Variants in PRKX observed in about 807,000 individuals in gnomAD.
PRKX encodes the protein protein kinase cAMP-dependent X-linked catalytic subunit.
A neutral mutation model predicts 22.0 loss-of-function variants in PRKX; 12 were observed. The observed-to-expected ratio is 0.54, with a 90% CI of 0.35 to 0.88. The LOEUF (loss-of-function observed/expected upper bound fraction) is 0.88, where lower values mean the gene tolerates loss of function less well. Ranked by LOEUF, PRKX falls within the 40% of genes least tolerant of loss-of-function variation. The pLI is 0.01. For synonymous variants in PRKX, 134 were observed against 137.7 expected, an observed-to-expected ratio of 0.97 and a Z score of 0.19; for missense variants, 217 against 308.0, an observed-to-expected ratio of 0.70 and a Z score of 2.21.
intron 1 of PRKX, among the ~76,000 whole-genome samples, chrX:3,692,717 C>T (rs1928358624): frequency 1.8e-5 from 2 of 110,636 alleles, no homozygotes; most frequent in South Asian, 7.7e-4. Context: ...CTAGTAGAGA[C>T]AGAGTTTCAC....
intron 7 of PRKX, among the ~76,000 whole-genome samples, chrX:3,612,739 A>G: frequency 9.0e-6 from 1 of 111,004 alleles, no homozygotes; most frequent in East Asian, 2.8e-4. Flanking sequence ...GTGAGCCATG[A>G]TTGCACCACT....
intron 2 of PRKX, among the ~76,000 whole-genome samples, chrX:3,659,230 G>A (rs1446771293): frequency 9.3e-6 from 1 of 107,176 alleles, no homozygotes; most frequent in Non-Finnish European, 1.9e-5. Flanking sequence ...CTCCAACCTG[G>A]GTGACAGAGC....
chrX:3,682,360 C>T lies in PRKX; in HGVS notation c.167-7594G>A, dbSNP rs144542852. On this transcript the variant is annotated intron_variant, in intron 1 of 8. Transcript: ENST00000262848. Reference sequence around the variant, plus strand: ...TGAATGGGGTGCCCTGGAAAAGATACGTTGACATCCTAATCCTTGGTACCT... The same window carrying T: ...TGAATGGGGTGCCCTGGAAAAGATATGTTGACATCCTAATCCTTGGTACCT... Among the ~76,000 whole-genome samples, 107 of 110,506 alleles carry T rather than the reference C, an allele frequency of 9.7e-4. 2 individuals carry two copies. The East Asian group carries it at 0.013, about 13-fold the overall frequency.
intron 1 of PRKX, among the ~76,000 whole-genome samples, chrX:3,702,974 G>A (rs1199473887): frequency 1.8e-5 from 2 of 110,915 alleles, no homozygotes; most frequent in Admixed American, 9.6e-5. Context: ...GGGATTACAC[G>A]TGTGAGCCAA....
intron 1 of PRKX, among the ~76,000 whole-genome samples, chrX:3,712,290 G>T (rs1485601713): frequency 1.8e-5 from 2 of 111,009 alleles, no homozygotes; most frequent in African/African-American, 3.3e-5. Context: ...CAGGCGGGCC[G>T]ATGACAACTG....
chrX:3,698,658 G>A (rs1399073686), intron 1 of PRKX, among the ~76,000 whole-genome samples: 2 of 109,225 alleles, frequency 1.8e-5, no homozygotes, highest in African/African-American at 3.4e-5. Context: ...GTGTGATCTC[G>A]GCTCACTGCA....
chrX:3,671,924 A>G (rs1374197271), intron 2 of PRKX, among the ~76,000 whole-genome samples: 4 of 111,890 alleles, frequency 3.6e-5, no homozygotes, highest in African/African-American at 1.3e-4. Context: ...AAAGTTCAAG[A>G]CCAGCCTGGG....
intron 8 of PRKX, 73 bp downstream of exon 8, chrX:3,612,104 T>C (rs1346787815): frequency 2.0e-6 from 2 of 1,018,251 alleles, no homozygotes; most frequent in Non-Finnish European, 2.6e-6. Context: ...CCCCACTCAG[T>C]AAACGCAGCC....
chrX:3,675,241 C>G (rs767996799), intron 1 of PRKX, among the ~76,000 whole-genome samples: 44 of 111,723 alleles, frequency 3.9e-4, no homozygotes, highest in African/African-American at 1.4e-3. Context: ...ACGGCTGTTT[C>G]CTTAACGCAC....
intron 1 of PRKX, among the ~76,000 whole-genome samples, chrX:3,679,796 G>C: frequency 8.9e-6 from 1 of 111,985 alleles, no homozygotes; most frequent in Non-Finnish European, 1.9e-5. Context: ...GGGAAGGTGT[G>C]GCTACTTTTA....
In PRKX at chrX:3,606,073, C is replaced by T. The variant is rs944024927; in HGVS notation, c.*2896G>A. The T allele has an allele frequency of 1.8e-5, 2 of 112,609 alleles. No individual in the cohort carries two copies. The highest frequency in any genetic ancestry group is 3.7e-5 in the Non-Finnish European group (2 of 53,380). The allele number at this position is 112,609 out of a possible 1,213,427, so 9.3% of individuals were successfully genotyped here. A position where few individuals can be genotyped will look rare whatever the true frequency, so the allele number is the denominator to read the frequency against. On this transcript the variant is annotated 3_prime_UTR_variant, in exon 9 of 9. Transcript: ENST00000262848. ...GAAAAACAAGACTTGCCCCAATACACTTCTTCTTGTAACATATCCATGTCC... is the reference window on the plus strand; with the variant it reads ...GAAAAACAAGACTTGCCCCAATACATTTCTTCTTGTAACATATCCATGTCC...
chrX:3,650,513 T>C (rs1603474030), intron 3 of PRKX, among the ~76,000 whole-genome samples: 3 of 24,718 alleles, frequency 1.2e-4, no homozygotes, highest in Non-Finnish European at 1.3e-4. Flanking sequence ...AGAGCGAGAC[T>C]CCTCTCCAAA....
chrX:3,689,956 G>C (rs952621074), intron 1 of PRKX, among the ~76,000 whole-genome samples: 24 of 111,174 alleles, frequency 2.2e-4, no homozygotes, highest in African/African-American at 3.9e-4. Context: ...CAGCCTGCGT[G>C]ACAGAGCAAG....
At chrX:3,617,817 A>G (rs1396759629) in intron 6 of PRKX, among the ~76,000 whole-genome samples, 2 of 110,896 alleles carry the variant, frequency 1.8e-5, no homozygotes, top group African/African-American at 6.6e-5. Context: ...TAACCACAGG[A>G]CAATGCATCC....
At chrX:3,618,081 G>A (rs6641801) in intron 6 of PRKX, among the ~76,000 whole-genome samples, 6,205 of 92,521 alleles carry the variant, frequency 0.067, 296 homozygotes, top group East Asian at 0.24. Flanking sequence ...GAGAGAGAGA[G>A]AGAGAAATAA....
intron 3 of PRKX, among the ~76,000 whole-genome samples, chrX:3,650,645 G>A (rs372184039): frequency 1.4e-4 from 15 of 109,857 alleles, no homozygotes; most frequent in African/African-American, 4.0e-4. Flanking sequence ...TTGGAAGGTC[G>A]CGGCAGGTGG....
rs886890518 is a variant in PRKX at position 3,678,126 on chromosome X, C to T, written c.167-3360G>A. Among the ~76,000 whole-genome samples the T allele has an allele frequency of 3.6e-5, 4 of 111,730 alleles. No homozygotes were observed. The Admixed American group carries it at 3.8e-4, about 11-fold the overall frequency. On this transcript the variant is annotated intron_variant, in intron 1 of 8. Coordinates refer to ENST00000262848, the MANE Select transcript of PRKX (RefSeq NM_005044.5). Reference sequence around the variant, plus strand: ...ATAAAACACAATTAGGAATCAGGAACACTGGCATCCAACCCAAGCTTATCC... The same window carrying T: ...ATAAAACACAATTAGGAATCAGGAATACTGGCATCCAACCCAAGCTTATCC...
intron 4 of PRKX, among the ~76,000 whole-genome samples, chrX:3,639,386 AAGGGGTAG>A (rs779932598): frequency 6.8e-4 from 3 of 4,393 alleles, no homozygotes; most frequent in Non-Finnish European, 9.1e-4. Context: ...TAGATGGATG[AAGGGGTAG>A]AGGGGTGGGG....
chrX:3,712,957 G>A (rs1928822662), intron 1 of PRKX, 131 bp downstream of exon 1: 1 of 788,177 alleles, frequency 1.3e-6, no homozygotes, highest in African/African-American at 2.2e-5. Flanking sequence ...GCCCCGCACG[G>A]GGACTCCGAG....
Sources: allele counts gnomAD v4.1 joint callset (sites outside exome capture counted in the v4.1 genomes callset), GRCh38; gene constraint gnomAD v4.1.1; transcripts MANE v1.5; gene names NCBI Gene and HGNC (gene_info 2026-07-23, HGNC 2026-07-21).